HCN1: variants seen among roughly 807,000 people sequenced by gnomAD.
The protein encoded by HCN1 is hyperpolarization activated cyclic nucleotide gated potassium channel 1, also known as potassium/sodium hyperpolarization-activated cyclic nucleotide-gated channel 1.
In HCN1, 13 loss-of-function variants were observed where a neutral mutation model predicts 78.9. The ratio of observed to expected loss-of-function variants is 0.16; its 90% CI spans 0.11 to 0.26. The LOEUF (loss-of-function observed/expected upper bound fraction) is 0.26. HCN1 is among the 10% of genes least tolerant of loss of function. HCN1 has a pLI of 1.00. For missense variants in HCN1, 810 were observed against 1,154.3 expected (o/e 0.70, Z 4.32); for synonymous variants, 552 against 455.5 (o/e 1.21, Z -2.70).
At chr5:45,643,671 T>C (rs573868060) in intron 2 of HCN1, 2 of 152,290 alleles carry the variant, frequency 1.3e-5, no homozygotes, top group South Asian at 4.1e-4. Flanking sequence ...TACCTTATTG[T>C]ATTTAATTGT....
intron 2 of HCN1, among the ~76,000 whole-genome samples, chr5:45,610,359 G>T (rs775658706): frequency 2.6e-5 from 4 of 151,806 alleles, no homozygotes; most frequent in African/African-American, 4.8e-5. Context: ...GATACAGAAA[G>T]AATAGAGTCT....
intron 2 of HCN1, among the ~76,000 whole-genome samples, chr5:45,526,775 T>C (rs1458152973): frequency 6.6e-6 from 1 of 152,074 alleles, no homozygotes; most frequent in Non-Finnish European, 1.5e-5. Context: ...GCTCTCTTTC[T>C]CAGATACTTA....
At position 45,387,473 on chromosome 5, in the gene HCN1, T is replaced by A. The variant is rs543238438; in HGVS notation, c.1230+9019A>T. Reference sequence around the variant, plus strand: ...AATATTTTACATACTGAATTTTTTTTAATAACAGTGATATCTTTGTTAATA... The same window carrying A: ...AATATTTTACATACTGAATTTTTTTAAATAACAGTGATATCTTTGTTAATA... On this transcript the variant is annotated intron_variant, in intron 4 of 7. Transcript: ENST00000303230. Among the ~76,000 whole-genome samples the A allele has an allele frequency of 6.6e-5, 10 of 152,266 alleles. No homozygotes were observed. In the East Asian group the frequency reaches 7.7e-4, roughly 12 times the overall value.
chr5:45,513,996 T>A (rs1742471145), intron 2 of HCN1, among the ~76,000 whole-genome samples: 1 of 152,168 alleles, frequency 6.6e-6, no homozygotes. Flanking sequence ...CAACCTCTTG[T>A]TATTTTCTTT....
chr5:45,494,892 C>G (rs1277613044), intron 2 of HCN1, among the ~76,000 whole-genome samples: 1 of 151,754 alleles, frequency 6.6e-6, no homozygotes, highest in South Asian at 2.1e-4. Context: ...TCAGGTTTGT[C>G]AAAGATCAGA....
chr5:45,354,656 C>T (rs1746974648), intron 4 of HCN1, among the ~76,000 whole-genome samples: 1 of 151,980 alleles, frequency 6.6e-6, no homozygotes. Context: ...TGAACATTCC[C>T]TTTTGAACAT....
In HCN1 at chr5:45,260,193, C is replaced by T. The variant is rs553658379; in HGVS notation, c.*1728G>A. The T allele has an allele frequency of 4.6e-5, 7 of 152,278 alleles. No individual in the cohort carries two copies. In the South Asian group the frequency reaches 1.4e-3, roughly 32 times the overall value. 9.4% of individuals were successfully genotyped at this position (152,278 alleles called of 1,614,324 possible). ...CCCTGTCCCACATAATGTGTGATCTCTGTATGTTCTTAAATGTATTGCCAG... is the reference window on the plus strand; with the variant it reads ...CCCTGTCCCACATAATGTGTGATCTTTGTATGTTCTTAAATGTATTGCCAG... On this transcript the variant is annotated 3_prime_UTR_variant, in exon 8 of 8. Coordinates refer to ENST00000303230, the MANE Select transcript of HCN1 (RefSeq NM_021072.4).
intron 1 of HCN1, among the ~76,000 whole-genome samples, chr5:45,663,704 A>G (rs1295439433): frequency 2.0e-5 from 3 of 152,012 alleles, no homozygotes; most frequent in African/African-American, 7.2e-5. Flanking sequence ...AACACATGAA[A>G]AAATGCTCAT....
chr5:45,497,562 T>G (rs2111721039), intron 2 of HCN1, among the ~76,000 whole-genome samples: 1 of 152,318 alleles, frequency 6.6e-6, no homozygotes, highest in South Asian at 2.1e-4. Context: ...TTGGTAGACC[T>G]TCCTCCATCC....
chr5:45,344,307 G>T (rs1746651587), intron 5 of HCN1, among the ~76,000 whole-genome samples: 4 of 152,064 alleles, frequency 2.6e-5, no homozygotes, highest in Admixed American at 2.6e-4. Flanking sequence ...AATTCAAGAT[G>T]AGATTTGGGT....
chr5:45,346,950 A>G (rs1746731695), intron 5 of HCN1, among the ~76,000 whole-genome samples: 1 of 152,198 alleles, frequency 6.6e-6, no homozygotes, highest in Non-Finnish European at 1.5e-5. Context: ...ACAGACAAAC[A>G]AAAAGACAGC....
intron 5 of HCN1, among the ~76,000 whole-genome samples, chr5:45,312,740 G>T (rs1055632108): frequency 7.9e-5 from 12 of 152,158 alleles, no homozygotes; most frequent in Non-Finnish European, 1.3e-4. Flanking sequence ...GGCTCAGGGG[G>T]TCCCACGCCC....
rs532270772 is a variant in HCN1, at chr5:45,255,600, G to A, written c.*6321C>T. 12 of 152,302 alleles carry A rather than the reference G, an allele frequency of 7.9e-5. No individual in the cohort carries two copies. The highest frequency in any genetic ancestry group is 5.2e-4 in the Admixed American group (8 of 15,296). The allele number at this position is 152,302 out of a possible 1,614,324, so 9.4% of individuals were successfully genotyped here. On this transcript the variant is annotated 3_prime_UTR_variant, in exon 8 of 8. Transcript: ENST00000303230. ...AACAGAATTGTAATATGTTAGGTTG[G>A]TAATAGATGTTAGAAGAGTTAGGCA...
At chr5:45,678,402 T>A (rs543205318) in intron 1 of HCN1, among the ~76,000 whole-genome samples, 1 of 152,066 alleles carries the variant, frequency 6.6e-6, no homozygotes, top group Admixed American at 6.6e-5. Flanking sequence ...GCAATTGTAA[T>A]CCATTATTAT....
In HCN1 at chr5:45,367,806, G is replaced by A. The variant is rs116434768; in HGVS notation, c.1231-14560C>T. ...ATTCATCAATACAAAACAAAACAAA[G>A]TTTCCAGGTAAACTTCACAGCAATA... On this transcript the variant is annotated intron_variant, in intron 4 of 7. Transcript: ENST00000303230. Among the ~76,000 whole-genome samples, 833 of 151,916 alleles carry A rather than the reference G, an allele frequency of 5.5e-3. 6 individuals carry two copies. Among genetic ancestry groups the A allele is most frequent in the African/African-American group, 0.019 (778 of 41,500 alleles).
intron 3 of HCN1, among the ~76,000 whole-genome samples, chr5:45,419,856 A>G: frequency 6.6e-6 from 1 of 152,162 alleles, no homozygotes; most frequent in Non-Finnish European, 1.5e-5. Flanking sequence ...TCTCCTCTTT[A>G]GTCCCCAACA....
chr5:45,297,508 T>C (rs1331358257), intron 6 of HCN1, among the ~76,000 whole-genome samples: 1 of 152,096 alleles, frequency 6.6e-6, no homozygotes, highest in Non-Finnish European at 1.5e-5. Context: ...GGCCCAAAAG[T>C]TGTCACCAGT....
intron 1 of HCN1, among the ~76,000 whole-genome samples, chr5:45,657,131 A>G (rs914846814): frequency 1.3e-4 from 20 of 152,116 alleles, no homozygotes; most frequent in Non-Finnish European, 4.4e-5. Flanking sequence ...TTTGCTGTGG[A>G]ATATTAAAGA....
At chr5:45,319,748 A>C (rs1746083455) in intron 5 of HCN1, among the ~76,000 whole-genome samples, 1 of 151,616 alleles carries the variant, frequency 6.6e-6, no homozygotes, top group Non-Finnish European at 1.5e-5. Context: ...TGATATATTC[A>C]GATTGCTTCT....
Sources: gnomAD v4.1 joint callset for allele counts (sites outside exome capture counted in the v4.1 genomes callset) on GRCh38, gnomAD v4.1.1 for gene constraint, MANE v1.5 for transcripts, NCBI Gene and HGNC (gene_info 2026-07-23, HGNC 2026-07-21) for gene names.